TRERF1: variants seen among roughly 807,000 people sequenced by gnomAD.
TRERF1 encodes the protein transcriptional-regulating factor 1.
TRERF1 carries 27 observed loss-of-function variants against 122.9 expected under a neutral mutation model. The ratio of observed to expected loss-of-function variants is 0.22; its 90% confidence interval spans 0.16 to 0.30. The LOEUF (loss-of-function observed/expected upper bound fraction) is 0.30. TRERF1 is among the 10% of genes least tolerant of loss of function. The probability of loss-of-function intolerance (pLI) is 1.00; values close to 1 mark genes in which losing one functional copy is unlikely to be tolerated. For missense variants in TRERF1, 1,248 were observed against 1,560.3 expected (o/e 0.80, Z 3.37); for synonymous variants, 636 against 641.7 (o/e 0.99, Z 0.13).
chr6:42,331,124 G>A (rs1194084404), intron 3 of TRERF1, among the ~76,000 whole-genome samples: 2 of 152,190 alleles, frequency 1.3e-5, no homozygotes, highest in African/African-American at 4.8e-5. Context: ...TTCAAAGACG[G>A]TAGATTGAAA....
At chr6:42,294,564 T>C (rs768184404) in intron 4 of TRERF1, among the ~76,000 whole-genome samples, 1 of 152,188 alleles carries the variant, frequency 6.6e-6, no homozygotes, top group South Asian at 2.1e-4. Context: ...GTTCCACCAA[T>C]GGTGAGAAGG....
Position 42,338,308 on chromosome 6 carries a change from C to CATTTCTT in TRERF1, c.-371+24688_-371+24689insAAGAAAT, listed in dbSNP as rs150788392. ...ACTTGGGGGTAGGGAAATGGGCAAC[C>CATTTCTT]GGTCTTCTGAACAAGACTGGGATTC... On this transcript the variant is annotated intron_variant, in intron 3 of 17. Transcript: ENST00000372922. Among the ~76,000 whole-genome samples the CATTTCTT allele has an allele frequency of 0.017, 2,656 of 152,152 alleles. 169 individuals carry two copies. The East Asian group carries it at 0.22, about 13-fold the overall frequency.
At chr6:42,369,741 G>A (rs1773427439) in intron 2 of TRERF1, among the ~76,000 whole-genome samples, 2 of 151,996 alleles carry the variant, frequency 1.3e-5, no homozygotes, top group Admixed American at 1.3e-4. Context: ...TTGCATACCT[G>A]CTGCCCTCTC....
chr6:42,360,331 T>C (rs12663510), intron 3 of TRERF1, among the ~76,000 whole-genome samples: 5,688 of 152,334 alleles, frequency 0.037, 279 homozygotes, highest in East Asian at 0.24. Flanking sequence ...ACTCTGGCTA[T>C]TAAAAGGTTG....
intron 4 of TRERF1, among the ~76,000 whole-genome samples, chr6:42,274,617 T>A (rs556659010): frequency 1.3e-5 from 2 of 152,080 alleles, no homozygotes; most frequent in South Asian, 4.1e-4. Flanking sequence ...AGGTCAAGGT[T>A]GCAGTGAGCC....
At chr6:42,257,237 G>T in intron 10 of TRERF1, 135 bp from the exon 11 acceptor site, 1 of 1,110,582 alleles carries the variant, frequency 9.0e-7, no homozygotes, top group Non-Finnish European at 1.3e-6. Context: ...CTCACAGTGT[G>T]ACCCTAAGAT....
intron 4 of TRERF1, among the ~76,000 whole-genome samples, chr6:42,298,603 G>A (rs1413259642): frequency 6.8e-6 from 1 of 147,576 alleles, no homozygotes; most frequent in Non-Finnish European, 1.5e-5. Flanking sequence ...TCAGGAGTTC[G>A]AGACCAGCCT....
chr6:42,429,906 G>A (rs1333588917), intron 2 of TRERF1, among the ~76,000 whole-genome samples: 1 of 152,092 alleles, frequency 6.6e-6, no homozygotes, highest in African/African-American at 2.4e-5. Context: ...AACTGGAGAG[G>A]TGAGGAAAGC....
intron 3 of TRERF1, among the ~76,000 whole-genome samples, chr6:42,321,103 C>G (rs1024910433): frequency 6.6e-6 from 1 of 151,646 alleles, no homozygotes; most frequent in Non-Finnish European, 1.5e-5. Context: ...AAGATTTGCA[C>G]CCTTCATAGG....
intron 2 of TRERF1, among the ~76,000 whole-genome samples, chr6:42,439,956 C>G (rs572216093): frequency 1.3e-5 from 2 of 152,140 alleles, no homozygotes; most frequent in South Asian, 4.1e-4. Context: ...ACTCTGAGCT[C>G]CTCTTATTTG....
intron 4 of TRERF1, among the ~76,000 whole-genome samples, chr6:42,284,093 C>T (rs1782780375): frequency 6.6e-6 from 1 of 152,128 alleles, no homozygotes; most frequent in African/African-American, 2.4e-5. Context: ...ACTGATGATG[C>T]ATAATCTATA....
intron 3 of TRERF1, among the ~76,000 whole-genome samples, chr6:42,301,737 A>C (rs976150698): frequency 6.6e-6 from 1 of 152,246 alleles, no homozygotes; most frequent in Non-Finnish European, 1.5e-5. Flanking sequence ...TATCTCATGG[A>C]CCGCTAAAGA....
At chr6:42,235,566 A>G (rs1467905904) in intron 16 of TRERF1, among the ~76,000 whole-genome samples, 1 of 152,222 alleles carries the variant, frequency 6.6e-6, no homozygotes, top group Non-Finnish European at 1.5e-5. Context: ...CTTGAAAAGT[A>G]GTAGCCTCTG....
At chr6:42,230,857 G>C (rs960777486) in intron 17 of TRERF1, among the ~76,000 whole-genome samples, 4 of 152,216 alleles carry the variant, frequency 2.6e-5, no homozygotes, top group Admixed American at 1.3e-4. Flanking sequence ...GCATGGCATA[G>C]AGCCAGGAGC....
At chr6:42,366,062 C>T (rs915557339) in intron 2 of TRERF1, among the ~76,000 whole-genome samples, 1 of 152,342 alleles carries the variant, frequency 6.6e-6, no homozygotes, top group African/African-American at 2.4e-5. Context: ...AAGGTCCTAA[C>T]ACCCAGCACA....
At chr6:42,252,396 C>G (rs1775987384) in intron 13 of TRERF1, among the ~76,000 whole-genome samples, 1 of 152,250 alleles carries the variant, frequency 6.6e-6, no homozygotes, top group African/African-American at 2.4e-5. Flanking sequence ...CATGGACAGG[C>G]TCAGGCAGGC....
chr6:42,426,659 A>T (rs1715812526), intron 2 of TRERF1, among the ~76,000 whole-genome samples: 1 of 152,216 alleles, frequency 6.6e-6, no homozygotes, highest in Admixed American at 6.5e-5. Context: ...CTGCTGCTAA[A>T]CCTGGCCAAA....
At chr6:42,414,929 C>A (rs755766756) in intron 2 of TRERF1, among the ~76,000 whole-genome samples, 3 of 152,222 alleles carry the variant, frequency 2.0e-5, no homozygotes, top group Non-Finnish European at 2.9e-5. Flanking sequence ...ATTAGTGGAA[C>A]TGCTGGGTTC....
chr6:42,450,308 C>A (rs1185059502), intron 2 of TRERF1, among the ~76,000 whole-genome samples: 1 of 152,230 alleles, frequency 6.6e-6, no homozygotes, highest in Non-Finnish European at 1.5e-5. Context: ...CTGAAAAGTG[C>A]ACCTGGACCG....
Sources: gnomAD v4.1 joint callset for allele counts (sites outside exome capture counted in the v4.1 genomes callset) on GRCh38, gnomAD v4.1.1 for gene constraint, MANE v1.5 for transcripts, NCBI Gene and HGNC (gene_info 2026-07-23, HGNC 2026-07-21) for gene names.